The following PUDP variants were observed in gnomAD, a reference collection of about 807,000 sequenced individuals.
PUDP encodes pseudouridine 5'-phosphatase, also known as pseudouridine-5'-phosphatase.
In PUDP, 8 loss-of-function variants were observed where a neutral mutation model predicts 9.4. That is an observed-to-expected ratio of 0.85 (90% CI 0.50 to 1.53). The LOEUF is 1.53. Among genes scored for constraint, PUDP ranks in the 40% most tolerant of loss-of-function variants. The probability of loss-of-function intolerance (pLI) is 0.00; values close to 1 mark genes in which losing one functional copy is unlikely to be tolerated. For synonymous variants in PUDP, 99 were observed against 80.7 expected, an observed-to-expected ratio of 1.23 and a Z score of -1.22; for missense variants, 188 against 189.7, an observed-to-expected ratio of 0.99 and a Z score of 0.05.
chrX:7,031,159 GT>G (rs984296585), intron 1 of PUDP, among the ~76,000 whole-genome samples: 2 of 111,132 alleles, frequency 1.8e-5, no homozygotes, highest in Non-Finnish European at 3.8e-5. Context: ...TGTGCAACCT[GT>G]TTTATCAGCA....
intron 1 of PUDP, among the ~76,000 whole-genome samples, chrX:6,708,166 G>C (rs1246549811): frequency 2.7e-5 from 3 of 111,919 alleles, no homozygotes; most frequent in African/African-American, 9.7e-5. Context: ...AGAATAGCCT[G>C]TCTGTTTCCA....
intron 3 of PUDP, among the ~76,000 whole-genome samples, chrX:6,776,206 T>C (rs1925457361): frequency 9.0e-6 from 1 of 110,899 alleles, no homozygotes; most frequent in African/African-American, 3.3e-5. Context: ...CCTGAACCCA[T>C]AGCATCAACA....
intron 3 of PUDP, among the ~76,000 whole-genome samples, chrX:6,732,764 AGTT>A (rs1018982328): frequency 2.7e-5 from 3 of 111,356 alleles, no homozygotes; most frequent in African/African-American, 6.5e-5. Context: ...GAATTAATAA[AGTT>A]GTATGTAATC....
At chrX:6,751,741 A>G (rs1925089434) in intron 3 of PUDP, among the ~76,000 whole-genome samples, 1 of 111,504 alleles carries the variant, frequency 9.0e-6, no homozygotes, top group South Asian at 3.8e-4. Flanking sequence ...AGAAATCCTC[A>G]TATTTGTATG....
chrX:6,774,762 A>G (rs1925421591), intron 3 of PUDP, among the ~76,000 whole-genome samples: 1 of 112,055 alleles, frequency 8.9e-6, no homozygotes, highest in African/African-American at 3.2e-5. Context: ...CTTGTGCTTC[A>G]CTGAACCACA....
intron 3 of PUDP, among the ~76,000 whole-genome samples, chrX:6,752,780 G>T (rs748144986): frequency 9.0e-6 from 1 of 111,315 alleles, no homozygotes; most frequent in African/African-American, 3.3e-5. Context: ...AGGAAGAAGA[G>T]GGAAAAGATA....
chrX:7,042,248 C>T (rs1183647786), intron 1 of PUDP, among the ~76,000 whole-genome samples: 1 of 110,718 alleles, frequency 9.0e-6, no homozygotes, highest in African/African-American at 3.3e-5. Context: ...AAATCATGGA[C>T]AGAAGTGAGC....
rs1451670327 is a variant in PUDP at position 7,085,980 on chromosome X, CT to C, written c.281-8532del. ...TCCAGCCACTCCTGCAGACAAGCCT[CT>C]GTGGAAGGGCAGGAGCCTGACTTCT... On this transcript the variant is annotated intron_variant, in intron 2 of 3. Transcript: ENST00000381077. Among the ~76,000 whole-genome samples, 4 of 112,189 alleles carry C rather than the reference CT, an allele frequency of 3.6e-5. No individual in the cohort carries two copies. The Admixed American group carries it at 3.8e-4, about 11-fold the overall frequency.
At chrX:6,913,051 A>T (rs959936929) in intron 3 of PUDP, among the ~76,000 whole-genome samples, 1 of 112,223 alleles carries the variant, frequency 8.9e-6, no homozygotes, top group East Asian at 2.8e-4. Flanking sequence ...ATGGTTGGGC[A>T]TATAAATTGT....
chrX:6,733,770 C>CTTTTTTTTTTTTT (rs3046297), intron 3 of PUDP, among the ~76,000 whole-genome samples: 3 of 46,254 alleles, frequency 6.5e-5, no homozygotes, highest in African/African-American at 1.1e-4. Context: ...AAAGCAAAGC[C>CTTTTTTTTTTTTT]TTTTTTTTTT....
chrX:6,884,496 A>G (rs777548543), intron 3 of PUDP, among the ~76,000 whole-genome samples: 1 of 112,000 alleles, frequency 8.9e-6, no homozygotes, highest in African/African-American at 3.2e-5. Flanking sequence ...AGCCAGATTA[A>G]TCTCTATTTT....
chrX:6,941,564 A>G (rs1928400459), intron 3 of PUDP, among the ~76,000 whole-genome samples: 1 of 110,257 alleles, frequency 9.1e-6, no homozygotes, highest in Non-Finnish European at 1.9e-5. Context: ...CTTCAGGTCA[A>G]GCAATCCTCC....
intron 3 of PUDP, chrX:7,057,579 G>C: frequency 9.4e-7 from 1 of 1,065,076 alleles, no homozygotes; most frequent in East Asian, 3.4e-5. Flanking sequence ...GGTGGGTCTT[G>C]GGGCCGCCAT....
intron 3 of PUDP, among the ~76,000 whole-genome samples, chrX:6,780,148 T>C (rs988185138): frequency 2.7e-5 from 3 of 109,950 alleles, no homozygotes; most frequent in African/African-American, 9.9e-5. Flanking sequence ...ATTGTATATA[T>C]ACACACATAT....
chrX:7,070,259 G>GT (rs1179642582), intron 3 of PUDP, among the ~76,000 whole-genome samples: 8 of 112,198 alleles, frequency 7.1e-5, no homozygotes, highest in Non-Finnish European at 1.9e-5. Context: ...TGTTATTACG[G>GT]TTTTTTAAAT....
chrX:7,037,690 CTT>C (rs1929871742), intron 1 of PUDP, among the ~76,000 whole-genome samples: 3 of 112,257 alleles, frequency 2.7e-5, no homozygotes, highest in Non-Finnish European at 5.6e-5. Flanking sequence ...TTCTTATTCT[CTT>C]GTTTGCTTTG....
At chrX:7,137,060 T>C (rs1932755876) in intron 1 of PUDP, among the ~76,000 whole-genome samples, 1 of 111,106 alleles carries the variant, frequency 9.0e-6, no homozygotes, top group Admixed American at 9.6e-5. Context: ...ACCAACATGG[T>C]GAAACCCCAT....
intron 3 of PUDP, among the ~76,000 whole-genome samples, chrX:6,872,879 C>A (rs146760190): frequency 0.015 from 1,601 of 110,286 alleles, 29 homozygotes; most frequent in African/African-American, 0.051. Context: ...GAAGATCTAG[C>A]GATACGAGGT....
intron 1 of PUDP, among the ~76,000 whole-genome samples, chrX:7,129,212 T>C (rs1344381213): frequency 8.9e-6 from 1 of 112,305 alleles, no homozygotes; most frequent in East Asian, 2.8e-4. Context: ...TTAAAGATCA[T>C]AGAGCACATA....
Sources: allele counts gnomAD v4.1 joint callset (sites outside exome capture counted in the v4.1 genomes callset), GRCh38; gene constraint gnomAD v4.1.1; transcripts MANE v1.5; gene names NCBI Gene and HGNC (gene_info 2026-07-23, HGNC 2026-07-21).